The following GPBP1 variants were observed in gnomAD, a reference collection of about 807,000 sequenced individuals.
GPBP1 encodes GC-rich promoter binding protein 1.
In GPBP1, 13 loss-of-function variants were observed where a neutral mutation model predicts 56.5. That is an observed-to-expected ratio of 0.23 (90% CI 0.15 to 0.37). GPBP1 has a LOEUF of 0.37. GPBP1 is among the 10% of genes least tolerant of loss of function. The probability of loss-of-function intolerance (pLI) is 1.00; values close to 1 mark genes in which losing one functional copy is unlikely to be tolerated. For missense variants in GPBP1, 477 were observed against 572.3 expected (o/e 0.83, Z 1.70); for synonymous variants, 204 against 188.9 (o/e 1.08, Z -0.66).
At chr5:57,257,158 C>T (rs952323887) in intron 10 of GPBP1, among the ~76,000 whole-genome samples, 7 of 151,278 alleles carry the variant, frequency 4.6e-5, no homozygotes, top group Admixed American at 1.3e-4. Context: ...CTCGGCCTCC[C>T]GGAATAGCTG....
chr5:57,250,579 T>C (rs1394415056), intron 9 of GPBP1, among the ~76,000 whole-genome samples: 2 of 151,500 alleles, frequency 1.3e-5, no homozygotes, highest in African/African-American at 2.4e-5. Context: ...GTTTTGCTCT[T>C]GTCTGGAGTA....
chr5:57,251,104 A>G lies in GPBP1; in HGVS notation c.1123A>G (p.Thr375Ala), dbSNP rs1403580297. ...QIIRSSTFPQTDVLSSSLEAE... is the reference protein window; with the variant it reads ...QIIRSSTFPQADVLSSSLEAE... ...CATTCGGTCTTCAACCTTCCCACAA[A>G]CTGATGTTCTTTCAAGTTCACTTGA... is the stretch of plus-strand genomic sequence containing the variant. The change falls in exon 10 of 12, where the codon ACT (threonine) becomes GCT (alanine). Residue 375 changes from threonine (T) to alanine (A), a missense_variant. Transcript: ENST00000506184. 1 of 1,610,342 alleles carries G rather than the reference A, an allele frequency of 6.2e-7. No individual in the cohort carries two copies. The highest frequency in any genetic ancestry group is 1.1e-5 in the South Asian group (1 of 90,140).
chr5:57,212,840 T>G (rs1755550059), intron 2 of GPBP1, among the ~76,000 whole-genome samples: 1 of 151,642 alleles, frequency 6.6e-6, no homozygotes, highest in Non-Finnish European at 1.5e-5. Context: ...TAGCTAATTT[T>G]TTTTGTATTT....
intron 3 of GPBP1, among the ~76,000 whole-genome samples, chr5:57,217,347 C>T (rs1297077147): frequency 1.3e-5 from 2 of 151,690 alleles, no homozygotes; most frequent in East Asian, 1.9e-4. Flanking sequence ...CCGAGGCGGG[C>T]GGATCACCTG....
Position 57,175,974 on chromosome 5 carries a change from A to AT in GPBP1, c.-481dup. 1 of 398,552 alleles carries AT rather than the reference A, an allele frequency of 2.5e-6. No individual in the cohort carries two copies. The highest frequency in any genetic ancestry group is 4.4e-6 in the Non-Finnish European group (1 of 226,044). The allele number at this position is 398,552 out of a possible 1,614,324, so 24.7% of individuals were successfully genotyped here. On this transcript the variant is annotated 5_prime_UTR_variant, in exon 2 of 12. The change abolishes the stop of an existing upstream ORF in the 5' untranslated region. Transcript: ENST00000506184. ...CCTTTTATCTTTTATTTACGTGGAAATTTAAGATGTTGCAGTTTTCCGGCA... is the reference window on the plus strand; with the variant it reads ...CCTTTTATCTTTTATTTACGTGGAAATTTTAAGATGTTGCAGTTTTCCGGCA...
intron 2 of GPBP1, among the ~76,000 whole-genome samples, chr5:57,176,639 G>A (rs953848163): frequency 6.6e-6 from 1 of 152,178 alleles, no homozygotes; most frequent in Non-Finnish European, 1.5e-5. Context: ...ACAAGTTTTT[G>A]CGCTTTTTAA....
chr5:57,211,876 C>T lies in GPBP1; in HGVS notation c.-57-2198C>T, dbSNP rs147876063. Among the ~76,000 whole-genome samples the T allele has an allele frequency of 1.2e-3, 183 of 151,956 alleles. 1 individual carries two copies. The highest frequency in any genetic ancestry group is 8.0e-3 in the East Asian group (41 of 5,154). Reference sequence around the variant, plus strand: ...CGTGAGCCGTCGTGCTCGGCCATTACGTAACTTTTTACCATTTTGTATGAT... The same window carrying T: ...CGTGAGCCGTCGTGCTCGGCCATTATGTAACTTTTTACCATTTTGTATGAT... On this transcript the variant is annotated intron_variant, in intron 2 of 11. Coordinates refer to ENST00000506184, the MANE Select transcript of GPBP1 (RefSeq NM_022913.4).
intron 2 of GPBP1, among the ~76,000 whole-genome samples, chr5:57,210,299 C>T (rs898378379): frequency 2.4e-4 from 37 of 151,728 alleles, no homozygotes; most frequent in Admixed American, 2.3e-3. Context: ...TCATGGATGT[C>T]GTGAATAAAT....
intron 2 of GPBP1, among the ~76,000 whole-genome samples, chr5:57,211,944 A>T (rs1046520561): frequency 3.6e-4 from 49 of 135,792 alleles, no homozygotes; most frequent in Middle Eastern, 4.0e-3. Context: ...TTAAAAAAAA[A>T]TTTTTTTTTT....
chr5:57,239,640 C>T (rs370527236), intron 6 of GPBP1, among the ~76,000 whole-genome samples: 52 of 152,146 alleles, frequency 3.4e-4, no homozygotes, highest in East Asian at 2.3e-3. Context: ...ATTAGCTGGG[C>T]GTGGTACTGT....
intron 8 of GPBP1, among the ~76,000 whole-genome samples, chr5:57,248,617 G>A (rs1310960303): frequency 6.6e-6 from 1 of 151,854 alleles, no homozygotes; most frequent in Non-Finnish European, 1.5e-5. Flanking sequence ...TGTATTTTTA[G>A]TAGAGACGGG....
chr5:57,262,368 C>G (rs538167772), intron 11 of GPBP1, among the ~76,000 whole-genome samples: 26 of 152,128 alleles, frequency 1.7e-4, no homozygotes, highest in Non-Finnish European at 3.1e-4. Context: ...GTATTTATTA[C>G]AGTTGTCACT....
intron 2 of GPBP1, among the ~76,000 whole-genome samples, chr5:57,187,476 T>C (rs574619778): frequency 1.3e-5 from 2 of 152,308 alleles, no homozygotes; most frequent in African/African-American, 4.8e-5. Context: ...ATGGTATCGT[T>C]GGTGCTGGGG....
Position 57,261,171 on chromosome 5 carries a change from C to G in GPBP1, c.1161-9C>G. 6.4e-7 allele frequency: 1 copy of G among 1,571,836 alleles called. No individual in the cohort carries two copies. ...CTTTACATTAAACTTAATTTCCTCT[C>G]CTTTTCAGATTGTTAAAGGAAATGG... is the stretch of plus-strand genomic sequence containing the variant. On this transcript the variant is annotated splice_polypyrimidine_tract_variant and intron_variant, in intron 10 of 11. Transcript: ENST00000506184.
chr5:57,189,825 C>T (rs1250919042), intron 2 of GPBP1, among the ~76,000 whole-genome samples: 1 of 152,172 alleles, frequency 6.6e-6, no homozygotes, highest in South Asian at 2.1e-4. Context: ...GGCCTTCTTT[C>T]TCTTACCTGA....
chr5:57,179,302 G>C (rs1753935366), intron 2 of GPBP1, among the ~76,000 whole-genome samples: 1 of 152,130 alleles, frequency 6.6e-6, no homozygotes, highest in South Asian at 2.1e-4. Context: ...TTACTGTTTT[G>C]CTATTTGCAG....
intron 10 of GPBP1, among the ~76,000 whole-genome samples, chr5:57,251,701 A>T (rs1741402074): frequency 6.6e-6 from 1 of 151,886 alleles, no homozygotes. Flanking sequence ...TTGGATAGAT[A>T]CCTAGGAGTT....
intron 2 of GPBP1, among the ~76,000 whole-genome samples, chr5:57,208,717 C>T (rs1305872079): frequency 4.2e-5 from 6 of 141,658 alleles, no homozygotes; most frequent in South Asian, 2.2e-4. Context: ...AGTGCAATGG[C>T]GTGATCTCGG....
At chr5:57,188,842 G>C (rs116487534) in intron 2 of GPBP1, among the ~76,000 whole-genome samples, 3,697 of 152,184 alleles carry the variant, frequency 0.024, 155 homozygotes, top group African/African-American at 0.085. Context: ...TATTTATTCA[G>C]GCTAAAACAC....
Sources: gnomAD v4.1 joint callset for allele counts (sites outside exome capture counted in the v4.1 genomes callset) on GRCh38, gnomAD v4.1.1 for gene constraint, MANE v1.5 for transcripts, NCBI Gene and HGNC (gene_info 2026-07-23, HGNC 2026-07-21) for gene names.